The following EML4 variants were observed in gnomAD, a reference collection of about 807,000 sequenced individuals.
The protein encoded by EML4 is EMAP like 4, also known as echinoderm microtubule-associated protein-like 4.
EML4 carries 72 observed loss-of-function variants against 129.0 expected under a neutral mutation model. The observed-to-expected ratio is 0.56, with a 90% CI of 0.46 to 0.68. The LOEUF (loss-of-function observed/expected upper bound fraction) is 0.68, where lower values mean the gene tolerates loss of function less well. EML4 is among the 30% of genes least tolerant of loss of function. The pLI, the probability that EML4 is intolerant of heterozygous loss-of-function variation, is 0.00. For synonymous variants in EML4, 532 were observed against 405.0 expected, an observed-to-expected ratio of 1.31 and a Z score of -3.77; for missense variants, 1,363 against 1,190.6, an observed-to-expected ratio of 1.14 and a Z score of -2.13.
chr2:42,268,758 A>G (rs1221783160), intron 6 of EML4, among the ~76,000 whole-genome samples: 1 of 152,212 alleles, frequency 6.6e-6, no homozygotes, highest in Non-Finnish European at 1.5e-5. Context: ...AGAGATGGAA[A>G]ATAAGTGTCA....
In EML4 at chr2:42,330,094, G is replaced by A. The variant is rs752053546; in HGVS notation, c.2833G>A (p.Gly945Ser). Residue 945 changes from glycine (G) to serine (S), a missense_variant, in exon 23 of 23, where the codon GGC (glycine) becomes AGC (serine). Physicochemically the swap from Gly to Ser is moderately conservative, Grantham distance 56. Transcript: ENST00000318522. Reference sequence around the variant, plus strand: ...CCACAGCGAGGAGGAGAGTGAAGAGGGCAGCGGAGACCTTGGTGAGCCTCT... The same window carrying A: ...CCACAGCGAGGAGGAGAGTGAAGAGAGCAGCGGAGACCTTGGTGAGCCTCT... ...EDHSEEESEEGSGDLGEPLYE... is the reference protein window; with the variant it reads ...EDHSEEESEESSGDLGEPLYE... The A allele has an allele frequency of 6.2e-7, 1 of 1,612,798 alleles. No individual in the cohort carries two copies. Among genetic ancestry groups the A allele is most frequent in the South Asian group, 1.1e-5 (1 of 90,970 alleles).
chr2:42,271,922 G>C (rs1001869125), intron 6 of EML4, among the ~76,000 whole-genome samples: 2 of 151,952 alleles, frequency 1.3e-5, no homozygotes, highest in African/African-American at 2.4e-5. Context: ...GGCCAACATG[G>C]CAAAACCCCA....
At chr2:42,190,349 A>G (rs533930350) in intron 1 of EML4, among the ~76,000 whole-genome samples, 1 of 152,220 alleles carries the variant, frequency 6.6e-6, no homozygotes, top group African/African-American at 2.4e-5. Context: ...TGGTGACTAG[A>G]GTTTGAGTAG....
rs532457201 is a variant in EML4 at position 42,319,087 on chromosome 2, A to C, written c.2154+1563A>C. ...AAATATGACTTAATCTTGTAGAATC[A>C]AGATTTTACAGGTAGCCCTGTAGCA... On this transcript the variant is annotated intron_variant, in intron 19 of 22. Transcript: ENST00000318522. Among the ~76,000 whole-genome samples, 10 of 152,340 alleles carry C rather than the reference A, an allele frequency of 6.6e-5. No homozygotes were observed. In the South Asian group the frequency reaches 1.9e-3, roughly 28 times the overall value.
intron 11 of EML4, among the ~76,000 whole-genome samples, chr2:42,294,751 AAGAT>A (rs1478413939): frequency 6.6e-6 from 1 of 152,140 alleles, no homozygotes; most frequent in Non-Finnish European, 1.5e-5. Flanking sequence ...AGTACAAAGA[AAGAT>A]AAGACTTTCT....
intron 1 of EML4, among the ~76,000 whole-genome samples, chr2:42,172,554 TTGGC>T (rs773876883): frequency 6.6e-6 from 1 of 152,206 alleles, no homozygotes; most frequent in Non-Finnish European, 1.5e-5. Flanking sequence ...TTCAGGCAAC[TTGGC>T]TGGCAGGTGC....
In EML4 at chr2:42,317,531, A is replaced by T; in HGVS notation, c.2154+7A>T. 6.4e-7 allele frequency: 1 copy of T among 1,563,918 alleles called. No homozygotes were observed. The highest frequency in any genetic ancestry group is 8.7e-7 in the Non-Finnish European group (1 of 1,147,630). On this transcript the variant is annotated splice_region_variant and intron_variant, in intron 19 of 22. Transcript: ENST00000318522. ...CAGATATGGAAGGTGCACTGTAAGT[A>T]GTGAAGTAGAACAAGTTGTAAAATT...
At chr2:42,193,449 T>C (rs1205216001) in intron 1 of EML4, among the ~76,000 whole-genome samples, 3 of 152,226 alleles carry the variant, frequency 2.0e-5, no homozygotes, top group African/African-American at 7.2e-5. Flanking sequence ...GTGTCTGCTG[T>C]GTGATTGTTT....
intron 1 of EML4, among the ~76,000 whole-genome samples, chr2:42,236,350 T>C (rs1462354156): frequency 1.3e-5 from 2 of 152,230 alleles, no homozygotes; most frequent in African/African-American, 4.8e-5. Flanking sequence ...TGTTTCCAAT[T>C]TGTTTTTATG....
At chr2:42,265,922 C>T (rs1000376445) in intron 6 of EML4, among the ~76,000 whole-genome samples, 8 of 152,198 alleles carry the variant, frequency 5.3e-5, no homozygotes, top group Non-Finnish European at 8.8e-5. Context: ...AAGTTTTATA[C>T]ATCAGTTTTA....
chr2:42,264,128 T>C (rs925359457), intron 5 of EML4, among the ~76,000 whole-genome samples: 1 of 129,702 alleles, frequency 7.7e-6, no homozygotes, highest in African/African-American at 3.3e-5. Context: ...TTTTTTTTTT[T>C]TGAGACAGTG....
chr2:42,268,723 C>A (rs1666207773), intron 6 of EML4, among the ~76,000 whole-genome samples: 2 of 152,192 alleles, frequency 1.3e-5, no homozygotes, highest in African/African-American at 4.8e-5. Flanking sequence ...TAGCTGTGAG[C>A]CGCCGCACCT....
chr2:42,288,208 C>A lies in EML4; in HGVS notation c.1123-19C>A. 1 of 1,105,554 alleles carries A rather than the reference C, an allele frequency of 9.0e-7. No individual in the cohort carries two copies. 68.5% of individuals were successfully genotyped at this position (1,105,554 alleles called of 1,614,324 possible). A position where few individuals can be genotyped will look rare whatever the true frequency, so the allele number is the denominator to read the frequency against. On this transcript the variant is annotated intron_variant, in intron 10 of 22. Transcript: ENST00000318522. ...CCTATCAGTGAATTTTAAAATGCCT[C>A]TGATTGACTTTTCTTTAGGATTCAG... is the stretch of plus-strand genomic sequence containing the variant.
chr2:42,197,115 G>A (rs1671937247), intron 1 of EML4, among the ~76,000 whole-genome samples: 1 of 152,116 alleles, frequency 6.6e-6, no homozygotes, highest in Non-Finnish European at 1.5e-5. Context: ...TGTCACCCAG[G>A]CTGAAGTGCA....
intron 1 of EML4, among the ~76,000 whole-genome samples, chr2:42,212,158 T>G (rs2104029345): frequency 6.6e-6 from 1 of 152,250 alleles, no homozygotes; most frequent in East Asian, 1.9e-4. Context: ...CACTTTCAAA[T>G]TGTATGTAAA....
chr2:42,286,132 G>T, intron 9 of EML4, 137 bp from the exon 10 acceptor site: 1 of 690,790 alleles, frequency 1.4e-6, no homozygotes, highest in Non-Finnish European at 2.7e-6. Flanking sequence ...GATTCATTTG[G>T]AGGCATGTCT....
chr2:42,227,830 A>G (rs930635353), intron 1 of EML4, among the ~76,000 whole-genome samples: 2 of 152,254 alleles, frequency 1.3e-5, no homozygotes, highest in East Asian at 3.8e-4. Context: ...TATAGAATAT[A>G]TATAACATAC....
chr2:42,169,525 G>C lies in EML4; in HGVS notation c.-87G>C. 2 of 1,484,454 alleles carry C rather than the reference G, an allele frequency of 1.3e-6. No individual in the cohort carries two copies. The highest frequency in any genetic ancestry group is 1.8e-6 in the Non-Finnish European group (2 of 1,106,276). 92.0% of individuals were successfully genotyped at this position (1,484,454 alleles called of 1,614,324 possible). ...AGCCGGGCGACCTAGAGAACGAGCG[G>C]GTCAGGCTCAGCGTCGGCCACTCTG... On this transcript the variant is annotated 5_prime_UTR_variant, in exon 1 of 23. Transcript: ENST00000318522.
At position 42,331,306 on chromosome 2, in the gene EML4, C is replaced by A. The variant is rs1205887140; in HGVS notation, c.*1099C>A. On this transcript the variant is annotated 3_prime_UTR_variant, in exon 23 of 23. Transcript: ENST00000318522. ...ACCAACAGCATACTTAACAGACTTG[C>A]TGTGTAGCAGTTTTTTTCTGGTGGA... is the stretch of plus-strand genomic sequence containing the variant. 1 of 223,028 alleles carries A rather than the reference C, an allele frequency of 4.5e-6. No individual in the cohort carries two copies. Among genetic ancestry groups the A allele is most frequent in the Non-Finnish European group, 9.0e-6 (1 of 111,482 alleles). 13.8% of individuals were successfully genotyped at this position (223,028 alleles called of 1,614,324 possible).
Sources: gnomAD v4.1 joint callset for allele counts (sites outside exome capture counted in the v4.1 genomes callset) on GRCh38, gnomAD v4.1.1 for gene constraint, MANE v1.5 for transcripts, NCBI Gene and HGNC (gene_info 2026-07-23, HGNC 2026-07-21) for gene names.